The following CDH23 variants were observed in gnomAD, a reference collection of about 807,000 sequenced individuals.
CDH23 encodes cadherin-23.
In CDH23, 189 loss-of-function variants were observed where a neutral mutation model predicts 317.1. The observed-to-expected ratio is 0.60, with a 90% CI of 0.53 to 0.67. The LOEUF (loss-of-function observed/expected upper bound fraction) is 0.67, where lower values mean the gene tolerates loss of function less well. CDH23 is among the 30% of genes least tolerant of loss of function. The probability of loss-of-function intolerance (pLI) is 0.00; values close to 1 mark genes in which losing one functional copy is unlikely to be tolerated. For synonymous variants in CDH23, 1,839 were observed against 1,876.8 expected (o/e 0.98, Z 0.52); for missense variants, 4,401 against 4,592.4 (o/e 0.96, Z 1.20).
At chr10:71,797,853 C>T (rs1401411005) in intron 49 of CDH23, among the ~76,000 whole-genome samples, 1 of 152,052 alleles carries the variant, frequency 6.6e-6, no homozygotes, top group Non-Finnish European at 1.5e-5. Flanking sequence ...ATGGGGTGGC[C>T]TCAAGTTGCC....
At chr10:71,796,888 C>T (rs1211959544) in intron 48 of CDH23, 4 of 474,364 alleles carry the variant, frequency 8.4e-6, no homozygotes, top group Non-Finnish European at 1.5e-5. Context: ...ATAACTTCCC[C>T]AACATCACCT....
rs116932503 is a variant in CDH23, at chr10:71,440,747, C to T, written c.67+849C>T. 2.4e-4 allele frequency among the ~76,000 whole-genome samples: 36 copies of T among 152,306 alleles called. No individual in the cohort carries two copies. In the East Asian group the frequency reaches 7.0e-3, roughly 29 times the overall value. On this transcript the variant is annotated intron_variant, in intron 2 of 69. Coordinates refer to ENST00000224721, the MANE Select transcript of CDH23 (RefSeq NM_022124.6). ...GGGAGCAAAGCAGCCCTGGGCTGCACTGAAGGCAGGCCAGGAGAGCAGGCA... is the reference window on the plus strand; with the variant it reads ...GGGAGCAAAGCAGCCCTGGGCTGCATTGAAGGCAGGCCAGGAGAGCAGGCA...
intron 9 of CDH23, among the ~76,000 whole-genome samples, chr10:71,607,505 A>G (rs1049649735): frequency 6.6e-6 from 1 of 152,222 alleles, no homozygotes; most frequent in African/African-American, 2.4e-5. Context: ...TGCCCAGCAC[A>G]AGGTCAGAAC....
At chr10:71,583,313 T>C (rs1245565143) in intron 9 of CDH23, among the ~76,000 whole-genome samples, 1 of 150,114 alleles carries the variant, frequency 6.7e-6, no homozygotes, top group Non-Finnish European at 1.5e-5. Context: ...GCATGTGGAG[T>C]GCCCGGCTCA....
At chr10:71,464,412 G>C (rs1589105870) in intron 3 of CDH23, among the ~76,000 whole-genome samples, 2 of 152,170 alleles carry the variant, frequency 1.3e-5, no homozygotes, top group Non-Finnish European at 2.9e-5. Context: ...GAAATCCAAG[G>C]CAGCCTGTCT....
At chr10:71,612,055 T>C (rs1417932086) in intron 9 of CDH23, among the ~76,000 whole-genome samples, 1 of 152,196 alleles carries the variant, frequency 6.6e-6, no homozygotes, top group African/African-American at 2.4e-5. Context: ...AGTGTTGCTA[T>C]GGTGACAGTA....
intron 6 of CDH23, among the ~76,000 whole-genome samples, chr10:71,558,018 G>A (rs1044787034): frequency 2.7e-5 from 3 of 112,874 alleles, no homozygotes; most frequent in Non-Finnish European, 5.5e-5. Context: ...TTATTTTTGA[G>A]ACAGAGTCTC....
At chr10:71,689,673 GC>G (rs1454235986) in intron 19 of CDH23, among the ~76,000 whole-genome samples, 2 of 152,232 alleles carry the variant, frequency 1.3e-5, no homozygotes, top group Non-Finnish European at 2.9e-5. Flanking sequence ...TGGCCTCAAT[GC>G]TTTATCCCTC....
At chr10:71,450,535 T>C (rs1349728351) in intron 3 of CDH23, among the ~76,000 whole-genome samples, 2 of 152,194 alleles carry the variant, frequency 1.3e-5, no homozygotes, top group African/African-American at 4.8e-5. Context: ...CCCAAAGTGC[T>C]AGGATTACAG....
chr10:71,557,622 T>C (rs1002135517), intron 6 of CDH23, among the ~76,000 whole-genome samples: 1 of 152,250 alleles, frequency 6.6e-6, no homozygotes, highest in African/African-American at 2.4e-5. Flanking sequence ...ATCTGAACAA[T>C]GCGTTCATGC....
intron 9 of CDH23, among the ~76,000 whole-genome samples, chr10:71,583,963 G>GCAGCAA (rs111338013): frequency 2.0e-5 from 3 of 151,910 alleles, no homozygotes; most frequent in African/African-American, 7.2e-5. Context: ...CCCCAGAGCA[G>GCAGCAA]CAGCATCAGC....
At chr10:71,511,718 G>T (rs1471326740) in intron 6 of CDH23, 1 of 167,552 alleles carries the variant, frequency 6.0e-6, no homozygotes, top group Non-Finnish European at 1.3e-5. Flanking sequence ...GTTTGCATGA[G>T]TGCATGCGTG....
In CDH23 at chr10:71,715,925, T is replaced by G; in HGVS notation, c.3369+3112T>G. ...CTAGGGGGATGTGGGGGCATGTTTGTGGACACCCCATTACATCTTGGTAGA... is the reference window on the plus strand; with the variant it reads ...CTAGGGGGATGTGGGGGCATGTTTGGGGACACCCCATTACATCTTGGTAGA... On this transcript the variant is annotated intron_variant, in intron 28 of 69. Coordinates refer to ENST00000224721, the MANE Select transcript of CDH23 (RefSeq NM_022124.6). The G allele has an allele frequency of 2.1e-6, 3 of 1,450,158 alleles. No homozygotes were observed. In the South Asian group the frequency reaches 4.4e-5, roughly 21 times the overall value. The allele number at this position is 1,450,158 out of a possible 1,614,324, so 89.8% of individuals were successfully genotyped here. A position where few individuals can be genotyped will look rare whatever the true frequency, so the allele number is the denominator to read the frequency against.
At position 71,668,453 on chromosome 10, in the gene CDH23, G is replaced by A. The variant is rs370682553; in HGVS notation, c.1450-6659G>A. On this transcript the variant is annotated intron_variant, in intron 14 of 69. Coordinates refer to ENST00000224721, the MANE Select transcript of CDH23 (RefSeq NM_022124.6). The stretch of plus-strand genomic sequence containing the variant: ...CCCACCAAAGGGAGGAGCAAGGGAG[G>A]GGAGGTCTTAAGAGCACACGCCTTG... 7.9e-5 allele frequency among the ~76,000 whole-genome samples: 12 copies of A among 152,278 alleles called. No individual in the cohort carries two copies. The East Asian group carries it at 1.2e-3, about 15-fold the overall frequency.
chr10:71,514,703 C>A (rs1854181886), intron 6 of CDH23, among the ~76,000 whole-genome samples: 1 of 152,152 alleles, frequency 6.6e-6, no homozygotes, highest in Non-Finnish European at 1.5e-5. Context: ...GGTGAAAGGC[C>A]CTGCAATTCA....
At chr10:71,462,202 G>C (rs1040592180) in intron 3 of CDH23, among the ~76,000 whole-genome samples, 5 of 152,256 alleles carry the variant, frequency 3.3e-5, no homozygotes, top group Admixed American at 3.3e-4. Flanking sequence ...GTGCTGAGAT[G>C]CCCAGTGCAG....
At chr10:71,733,666 T>C (rs1292268765) in intron 32 of CDH23, among the ~76,000 whole-genome samples, 1 of 152,250 alleles carries the variant, frequency 6.6e-6, no homozygotes, top group Non-Finnish European at 1.5e-5. Flanking sequence ...CCTTGGCTGT[T>C]AGGAAGCTCA....
In CDH23 at chr10:71,731,977, C is replaced by G; in HGVS notation, c.3716-10C>G. ...ATCTGGGACTGCACAGCCTCTGTGT[C>G]CTCCTACAGGGGATGGTGGCCTGGT... On this transcript the variant is annotated splice_polypyrimidine_tract_variant and intron_variant, in intron 31 of 69. Transcript: ENST00000224721. The G allele has an allele frequency of 2.5e-6, 4 of 1,611,692 alleles. No homozygotes were observed. The highest frequency in any genetic ancestry group is 3.4e-6 in the Non-Finnish European group (4 of 1,178,428).
intron 3 of CDH23, among the ~76,000 whole-genome samples, chr10:71,477,293 C>T (rs537466764): frequency 5.3e-5 from 8 of 152,268 alleles, no homozygotes; most frequent in Middle Eastern, 3.4e-3. Context: ...CTCAGCTTCC[C>T]GAGCAGATGG....
Sources: allele counts gnomAD v4.1 joint callset (sites outside exome capture counted in the v4.1 genomes callset), GRCh38; gene constraint gnomAD v4.1.1; transcripts MANE v1.5; gene names NCBI Gene and HGNC (gene_info 2026-07-23, HGNC 2026-07-21).